The following TENM3 variants were observed in gnomAD, a reference collection of about 807,000 sequenced individuals.
TENM3 encodes the protein teneurin-3.
In TENM3, 63 loss-of-function variants were observed where a neutral mutation model predicts 255.1. The ratio of observed to expected loss-of-function variants is 0.25; its 90% CI spans 0.20 to 0.30. The LOEUF is 0.30. Among genes scored for constraint, TENM3 ranks in the 10% least tolerant of loss-of-function variants. The pLI, the probability that TENM3 is intolerant of heterozygous loss-of-function variation, is 1.00. For missense variants in TENM3, 2,929 were observed against 3,461.1 expected (o/e 0.85, Z 3.86); for synonymous variants, 1,306 against 1,322.3 (o/e 0.99, Z 0.27).
chr4:181,547,095 T>C, the TENM3 span, among the ~76,000 whole-genome samples: 10 of 152,062 alleles, frequency 6.6e-5, no homozygotes, highest in Non-Finnish European at 5.9e-5. Flanking sequence ...TTCTAAAACA[T>C]TGGAGAAAAG....
At chr4:181,724,601 C>T in the TENM3 span, among the ~76,000 whole-genome samples, 1 of 151,946 alleles carries the variant, frequency 6.6e-6, no homozygotes, top group African/African-American at 2.4e-5. Flanking sequence ...TGAAGATTTC[C>T]TTTGCCCACA....
At chr4:182,043,364 T>C in the TENM3 span, among the ~76,000 whole-genome samples, 90 of 152,178 alleles carry the variant, frequency 5.9e-4, 1 homozygote, top group Non-Finnish European at 9.6e-4. Flanking sequence ...ATTGTGTATT[T>C]CTTCAGTTAT....
intron 1 of TENM3, among the ~76,000 whole-genome samples, chr4:182,184,543 A>G (rs2149755177): frequency 7.2e-6 from 1 of 138,246 alleles, no homozygotes; most frequent in South Asian, 2.3e-4. Context: ...TTATTGCTTT[A>G]ATGTGAATTT....
chr4:182,128,241 T>C, the TENM3 span, among the ~76,000 whole-genome samples: 6 of 152,296 alleles, frequency 3.9e-5, no homozygotes, highest in Admixed American at 2.0e-4. Context: ...TCCTTTTTTT[T>C]TCTATGTAGG....
At chr4:182,784,234 T>G (rs1302500312) in intron 24 of TENM3, among the ~76,000 whole-genome samples, 2 of 152,246 alleles carry the variant, frequency 1.3e-5, no homozygotes, top group South Asian at 4.2e-4. Context: ...GGGTTTTTGG[T>G]GTGGATGTCC....
the TENM3 span, among the ~76,000 whole-genome samples, chr4:181,715,285 A>G: frequency 6.6e-6 from 1 of 152,154 alleles, no homozygotes; most frequent in East Asian, 1.9e-4. Context: ...CACCAGTTCA[A>G]ATGTTGCACA....
chr4:182,765,362 C>T (rs1763616775), intron 22 of TENM3, among the ~76,000 whole-genome samples: 1 of 152,184 alleles, frequency 6.6e-6, no homozygotes, highest in South Asian at 2.1e-4. Context: ...GAAGGATCCA[C>T]TTTCTCCTAC....
At chr4:182,630,191 C>T (rs1234884572) in intron 5 of TENM3, among the ~76,000 whole-genome samples, 1 of 152,076 alleles carries the variant, frequency 6.6e-6, no homozygotes, top group Non-Finnish European at 1.5e-5. Context: ...CTTATAAAGA[C>T]GGTCAAACCA....
the TENM3 span, among the ~76,000 whole-genome samples, chr4:181,633,991 C>T: frequency 6.6e-6 from 1 of 152,166 alleles, no homozygotes; most frequent in Non-Finnish European, 1.5e-5. Context: ...TCCATATTTG[C>T]GGTTTGCTCT....
chr4:181,746,712 T>C, the TENM3 span, among the ~76,000 whole-genome samples: 1 of 152,068 alleles, frequency 6.6e-6, no homozygotes, highest in Non-Finnish European at 1.5e-5. Flanking sequence ...CTTTTTATCA[T>C]CTATCATACC....
At chr4:182,335,375 G>A (rs890622902) in intron 2 of TENM3, among the ~76,000 whole-genome samples, 1 of 144,964 alleles carries the variant, frequency 6.9e-6, no homozygotes, top group South Asian at 2.3e-4. Flanking sequence ...GGCGCCTGTA[G>A]TCCCAGCTGC....
intron 3 of TENM3, among the ~76,000 whole-genome samples, chr4:182,408,503 C>T (rs1327511827): frequency 1.3e-5 from 2 of 152,076 alleles, no homozygotes; most frequent in East Asian, 3.9e-4. Context: ...CAAAATGGGC[C>T]CCATCCCTGA....
At chr4:182,163,005 ACATTATCC>A (rs1158519731) in intron 1 of TENM3, among the ~76,000 whole-genome samples, 1 of 152,148 alleles carries the variant, frequency 6.6e-6, no homozygotes, top group Non-Finnish European at 1.5e-5. Context: ...CTGTATTTGT[ACATTATCC>A]CATTATCCTG....
At chr4:181,767,057 T>C in the TENM3 span, among the ~76,000 whole-genome samples, 93,345 of 129,198 alleles carry the variant, frequency 0.72, 34,666 homozygotes, top group Admixed American at 0.8. Context: ...TCAAGACCAT[T>C]CTGGCTAACA....
chr4:182,580,006 G>A (rs748939608), intron 3 of TENM3, among the ~76,000 whole-genome samples: 11 of 152,124 alleles, frequency 7.2e-5, no homozygotes, highest in Non-Finnish European at 1.5e-4. Flanking sequence ...GTTGAGGTCC[G>A]TTGCTGCTGC....
At chr4:182,137,866 A>G in the TENM3 span, among the ~76,000 whole-genome samples, 25 of 152,186 alleles carry the variant, frequency 1.6e-4, no homozygotes, top group Non-Finnish European at 1.0e-4. Flanking sequence ...TCTAAATTTG[A>G]TATTCAGAAA....
chr4:181,551,789 G>A, the TENM3 span, among the ~76,000 whole-genome samples: 18 of 145,868 alleles, frequency 1.2e-4, no homozygotes, highest in African/African-American at 4.3e-4. Context: ...TTTGTATTTT[G>A]CAAAATAGGC....
chr4:182,504,842 T>C (rs571419269), intron 3 of TENM3, among the ~76,000 whole-genome samples: 3 of 152,264 alleles, frequency 2.0e-5, no homozygotes, highest in East Asian at 3.9e-4. Context: ...TTTCAGTAAA[T>C]TGTTCTGCAT....
chr4:181,965,965 T>C, the TENM3 span, among the ~76,000 whole-genome samples: 7 of 152,220 alleles, frequency 4.6e-5, no homozygotes, highest in African/African-American at 1.7e-4. Context: ...GAAGCTTTAG[T>C]ATCTTTGGAT....
Sources: allele counts gnomAD v4.1 joint callset (sites outside exome capture counted in the v4.1 genomes callset), GRCh38; gene constraint gnomAD v4.1.1; transcripts MANE v1.5; gene names NCBI Gene and HGNC (gene_info 2026-07-23, HGNC 2026-07-21).